NFIX: variants seen among roughly 807,000 people sequenced by gnomAD.
NFIX encodes nuclear factor 1 X-type.
NFIX carries 2 observed loss-of-function variants against 53.3 expected under a neutral mutation model. The ratio of observed to expected loss-of-function variants is 0.04; its 90% CI spans 0.02 to 0.12. NFIX has a LOEUF of 0.12. Among genes scored for constraint, NFIX ranks in the 10% least tolerant of loss-of-function variants. NFIX has a pLI of 1.00. For synonymous variants in NFIX, 244 were observed against 289.0 expected, an observed-to-expected ratio of 0.84 and a Z score of 1.58; for missense variants, 310 against 674.5, an observed-to-expected ratio of 0.46 and a Z score of 5.99.
At chr19:13,007,103 C>T (rs1375117972) in intron 1 of NFIX, among the ~76,000 whole-genome samples, 1 of 152,134 alleles carries the variant, frequency 6.6e-6, no homozygotes, top group Admixed American at 6.5e-5. Context: ...TCCATCTTCC[C>T]GGTTCGCTCC....
rs189431614 is a variant in NFIX at position 13,021,522 on chromosome 19, C to T, written c.28-3499C>T. Among the ~76,000 whole-genome samples, 12 of 152,212 alleles carry T rather than the reference C, an allele frequency of 7.9e-5. No individual in the cohort carries two copies. Among genetic ancestry groups the T allele is most frequent in the Middle Eastern group, 6.8e-3 (2 of 294 alleles). On this transcript the variant is annotated intron_variant, in intron 1 of 10. Transcript: ENST00000592199. The surrounding 1 kb of genome is among the most constrained non-coding windows in gnomAD (Gnocchi z 4.2). ...GTTTCAGTTGGGGAAGAAAGGGGCA[C>T]GAGTGAGCAGTGACCTTTTTTCCGT...
chr19:13,036,888 G>A lies in NFIX; in HGVS notation c.559+11336G>A, dbSNP rs1228539047. 6.6e-6 allele frequency among the ~76,000 whole-genome samples: 1 copy of A among 152,128 alleles called. No homozygotes were observed. Among genetic ancestry groups the A allele is most frequent in the Non-Finnish European group, 1.5e-5 (1 of 68,026 alleles). On this transcript the variant is annotated intron_variant, in intron 2 of 10. Transcript: ENST00000592199. The surrounding 1 kb of genome is among the most constrained non-coding windows in gnomAD (Gnocchi z 4.7). ...TTAGGGGGTGGTAGGAGGGACCTGC[G>A]GCCCCACCCGGACACATGACATCAT...
chr19:13,076,357 ATCT>A (rs551060654), intron 6 of NFIX, among the ~76,000 whole-genome samples: 3 of 152,076 alleles, frequency 2.0e-5, no homozygotes, highest in Non-Finnish European at 4.4e-5. Context: ...TCCTCTAGGG[ATCT>A]TCTTCTTGTT....
In NFIX at chr19:13,073,609, T is replaced by G. The variant is rs751657483; in HGVS notation, c.697+113T>G. The G allele has an allele frequency of 3.0e-6, 3 of 983,900 alleles. No homozygotes were observed. Among genetic ancestry groups the G allele is most frequent in the Non-Finnish European group, 4.8e-6 (3 of 622,294 alleles). 60.9% of individuals were successfully genotyped at this position (983,900 alleles called of 1,614,324 possible). A position where few individuals can be genotyped will look rare whatever the true frequency, so the allele number is the denominator to read the frequency against. On this transcript the variant is annotated intron_variant, in intron 4 of 10. Transcript: ENST00000592199. This position sits in a 1 kb window ranked among gnomAD's most constrained non-coding sequence, Gnocchi z 4.5. ...GGGCAGGTGGATGGGAACAGATGCT[T>G]TCTGGGACACTCTCGGCTTCACTGG...
intron 2 of NFIX, among the ~76,000 whole-genome samples, chr19:13,035,830 G>T (rs2014146946): frequency 6.6e-6 from 1 of 152,096 alleles, no homozygotes; most frequent in Admixed American, 6.6e-5. Context: ...AATTGAATTG[G>T]CTCCGTCAAG....
chr19:13,049,298 A>G lies in NFIX; in HGVS notation c.559+23746A>G, dbSNP rs1177986394. ...AAAAAATAAACTAAAAATTAAGCAT[A>G]GGATTCAGTGCCATTTAGTACCTTC... On this transcript the variant is annotated intron_variant, in intron 2 of 10. Coordinates refer to ENST00000592199, the MANE Select transcript of NFIX (RefSeq NM_001365902.3). The surrounding 1 kb of genome is among the most constrained non-coding windows in gnomAD (Gnocchi z 4.5). 6.6e-6 allele frequency among the ~76,000 whole-genome samples: 1 copy of G among 152,208 alleles called. No homozygotes were observed. The highest frequency in any genetic ancestry group is 1.9e-4 in the East Asian group (1 of 5,198).
chr19:13,056,601 C>T (rs2015710408), intron 2 of NFIX, among the ~76,000 whole-genome samples: 1 of 152,180 alleles, frequency 6.6e-6, no homozygotes, highest in Non-Finnish European at 1.5e-5. Context: ...GTGGGACCCT[C>T]TTGCCTGTCC....
At chr19:13,035,873 G>A (rs935002253) in intron 2 of NFIX, among the ~76,000 whole-genome samples, 2 of 152,190 alleles carry the variant, frequency 1.3e-5, no homozygotes, top group Admixed American at 6.5e-5. Context: ...CCCACCCGCT[G>A]CCTTTTGTAC....
In NFIX at chr19:13,045,621, C is replaced by T. The variant is rs770449709; in HGVS notation, c.559+20069C>T. Reference sequence around the variant, plus strand: ...TCTGGAGACCTTGGCCCACGGTGCTCAGCAGTCTGTTGCCAGGGAGGTAGG... The same window carrying T: ...TCTGGAGACCTTGGCCCACGGTGCTTAGCAGTCTGTTGCCAGGGAGGTAGG... On this transcript the variant is annotated intron_variant, in intron 2 of 10. Coordinates refer to ENST00000592199, the MANE Select transcript of NFIX (RefSeq NM_001365902.3). The surrounding 1 kb of genome is among the most constrained non-coding windows in gnomAD (Gnocchi z 4.4). 6.6e-6 allele frequency among the ~76,000 whole-genome samples: 1 copy of T among 152,140 alleles called. No individual in the cohort carries two copies. Among genetic ancestry groups the T allele is most frequent in the Non-Finnish European group, 1.5e-5 (1 of 68,006 alleles).
rs1474095666 is a variant in NFIX, at chr19:13,060,227, G to C, written c.560-12820G>C. On this transcript the variant is annotated intron_variant, in intron 2 of 10. Coordinates refer to ENST00000592199, the MANE Select transcript of NFIX (RefSeq NM_001365902.3). The surrounding 1 kb of genome is among the most constrained non-coding windows in gnomAD (Gnocchi z 4.3). ...CACTCTGGCTGCTCCTTGGAGAACA[G>C]AGTGGATGAACTCAGTCCCCACCTC... Among the ~76,000 whole-genome samples the C allele has an allele frequency of 1.3e-5, 2 of 152,228 alleles. No individual in the cohort carries two copies. The highest frequency in any genetic ancestry group is 1.3e-4 in the Admixed American group (2 of 15,290).
intron 5 of NFIX, among the ~76,000 whole-genome samples, chr19:13,074,667 T>C (rs2016966909): frequency 6.8e-6 from 1 of 147,674 alleles, no homozygotes; most frequent in African/African-American, 2.5e-5. Context: ...ATGTGGGTTC[T>C]GGCCAGGGCA....
chr19:13,071,539 C>A (rs1328395135), intron 2 of NFIX, among the ~76,000 whole-genome samples: 1 of 152,136 alleles, frequency 6.6e-6, no homozygotes, highest in Admixed American at 6.6e-5. Flanking sequence ...GAAGGATACA[C>A]CCCAAACCAG....
chr19:13,010,427 G>C (rs2012276508), intron 1 of NFIX, among the ~76,000 whole-genome samples: 1 of 152,278 alleles, frequency 6.6e-6, no homozygotes, highest in South Asian at 2.1e-4. Flanking sequence ...CTCTCGTATA[G>C]TTGCTCCCAC....
chr19:13,005,069 G>A lies in NFIX; in HGVS notation c.27+9205G>A, dbSNP rs938855553. ...TGGCCTCAAGTGATCCGCCCGCCTC[G>A]GCCTCCCAAAGTGCTGGGATTACAG... On this transcript the variant is annotated intron_variant, in intron 1 of 10. Transcript: ENST00000592199. The surrounding 1 kb of genome is among the most constrained non-coding windows in gnomAD (Gnocchi z 4.7). Among the ~76,000 whole-genome samples, 14 of 151,926 alleles carry A rather than the reference G, an allele frequency of 9.2e-5. No homozygotes were observed. The highest frequency in any genetic ancestry group is 3.4e-4 in the African/African-American group (14 of 41,320).
rs2011966219 is a variant in NFIX, at chr19:13,005,527, G to T, written c.27+9663G>T. 6.6e-6 allele frequency among the ~76,000 whole-genome samples: 1 copy of T among 152,178 alleles called. No individual in the cohort carries two copies. Among genetic ancestry groups the T allele is most frequent in the African/African-American group, 2.4e-5 (1 of 41,438 alleles). On this transcript the variant is annotated intron_variant, in intron 1 of 10. Transcript: ENST00000592199. This position sits in a 1 kb window ranked among gnomAD's most constrained non-coding sequence, Gnocchi z 4.7. ...AGCAGGGCTGTGGTAAGGATCTGAG[G>T]AGTTGGTTCACAGCACACGCTTTAA...
chr19:13,002,246 G>GCTCCCTCT lies in NFIX; in HGVS notation c.27+6394_27+6401dup, dbSNP rs1387620270. 1.5e-5 allele frequency among the ~76,000 whole-genome samples: 2 copies of GCTCCCTCT among 132,738 alleles called. No homozygotes were observed. The highest frequency in any genetic ancestry group is 2.1e-4 in the East Asian group (1 of 4,770). 87.1% of individuals were successfully genotyped at this position (132,738 alleles called of 152,430 possible). A position where few individuals can be genotyped will look rare whatever the true frequency, so the allele number is the denominator to read the frequency against. ...TCTCCTCCCCTCCTCCCCTCCTCCC[G>GCTCCCTCT]CTCCCTCTCTCCCTCTCTCTCTCCT... On this transcript the variant is annotated intron_variant, in intron 1 of 10. Transcript: ENST00000592199. The surrounding 1 kb of genome is among the most constrained non-coding windows in gnomAD (Gnocchi z 6.1).
intron 8 of NFIX, among the ~76,000 whole-genome samples, chr19:13,085,611 A>T (rs1159108969): frequency 1.3e-5 from 2 of 152,204 alleles, no homozygotes; most frequent in Non-Finnish European, 2.9e-5. Flanking sequence ...CCTGCACAAA[A>T]GTTCTCCAGC....
At chr19:13,041,522 C>T (rs1243731314) in intron 2 of NFIX, among the ~76,000 whole-genome samples, 1 of 152,056 alleles carries the variant, frequency 6.6e-6, no homozygotes, top group African/African-American at 2.4e-5. Flanking sequence ...TACTGCAGGG[C>T]GCAGTGGCTC....
chr19:13,081,556 C>A lies in NFIX; in HGVS notation c.1079-124C>A. ...GCCGCCTTAACTTTTGTGCCTGTGG[C>A]GGCTGCCTTACCTGCTCAGGATCCT... On this transcript the variant is annotated intron_variant, in intron 7 of 10. Transcript: ENST00000592199. The surrounding 1 kb of genome is among the most constrained non-coding windows in gnomAD (Gnocchi z 4.7). The A allele has an allele frequency of 1.1e-6, 1 of 916,728 alleles. No individual in the cohort carries two copies. The highest frequency in any genetic ancestry group is 1.6e-6 in the Non-Finnish European group (1 of 637,884). 56.8% of individuals were successfully genotyped at this position (916,728 alleles called of 1,614,324 possible).
Sources: gnomAD v4.1 joint callset for allele counts (sites outside exome capture counted in the v4.1 genomes callset) on GRCh38, gnomAD v4.1.1 for gene constraint, Gnocchi (gnomAD v3.1) non-coding constraint, MANE v1.5 for transcripts, NCBI Gene and HGNC (gene_info 2026-07-23, HGNC 2026-07-21) for gene names.